Variants in GMCL1 observed in about 807,000 individuals in gnomAD.
GMCL1 encodes the protein germ cell-less protein-like 1.
A neutral mutation model predicts 75.5 loss-of-function variants in GMCL1; 54 were observed. That is an observed-to-expected ratio of 0.71 (90% CI 0.57 to 0.90). The LOEUF (loss-of-function observed/expected upper bound fraction) is 0.90, where lower values mean the gene tolerates loss of function less well. Ranked by LOEUF, GMCL1 falls within the 40% of genes least tolerant of loss-of-function variation. The pLI, the probability that GMCL1 is intolerant of heterozygous loss-of-function variation, is 0.00. For synonymous variants in GMCL1, 210 were observed against 209.6 expected (o/e 1.00, Z -0.02); for missense variants, 537 against 622.7 (o/e 0.86, Z 1.47).
intron 13 of GMCL1, among the ~76,000 whole-genome samples, chr2:69,872,065 AAC>A (rs753777490): frequency 1.1e-4 from 17 of 152,348 alleles, no homozygotes; most frequent in Non-Finnish European, 2.5e-4. Context: ...GGGGCAGGGA[AAC>A]ACTGATTATA....
intron 11 of GMCL1, 123 bp downstream of exon 11, chr2:69,865,098 G>T: frequency 1.5e-6 from 1 of 651,744 alleles, no homozygotes; most frequent in South Asian, 2.4e-5. Flanking sequence ...TACACTTTCT[G>T]TAGCATGATC....
chr2:69,864,462 A>G (rs999856531), intron 10 of GMCL1, among the ~76,000 whole-genome samples: 2 of 152,076 alleles, frequency 1.3e-5, no homozygotes, highest in Non-Finnish European at 2.9e-5. Flanking sequence ...TTGATTTTGC[A>G]TAGTTACACT....
At position 69,829,677 on chromosome 2, in the gene GMCL1, AG is replaced by A. The variant is rs1674608933; in HGVS notation, c.-211del. The A allele has an allele frequency of 3.8e-6, 2 of 528,674 alleles. No individual in the cohort carries two copies. The highest frequency in any genetic ancestry group is 2.0e-5 in the African/African-American group (1 of 49,284). 32.7% of individuals were successfully genotyped at this position (528,674 alleles called of 1,614,324 possible). A position where few individuals can be genotyped will look rare whatever the true frequency, so the allele number is the denominator to read the frequency against. On this transcript the variant is annotated 5_prime_UTR_variant, in exon 1 of 14. Coordinates refer to ENST00000282570, the MANE Select transcript of GMCL1 (RefSeq NM_178439.5). ...CGTCCCGCGCTTTGTTGCGAAAGCGAGGGGGCGAGGTGCTGCGGTGCTAGAG... is the reference window on the plus strand; with the variant it reads ...CGTCCCGCGCTTTGTTGCGAAAGCGAGGGGCGAGGTGCTGCGGTGCTAGAG...
intron 10 of GMCL1, 81 bp from the exon 11 acceptor site, chr2:69,864,819 T>C: frequency 1.1e-6 from 1 of 884,562 alleles, no homozygotes; most frequent in Non-Finnish European, 1.8e-6. Context: ...TAGCAAGATT[T>C]TCTGTTCTTA....
In GMCL1 at chr2:69,847,531, T is replaced by C. The variant is rs1217085857; in HGVS notation, c.759-12T>C. 1 of 1,557,302 alleles carries C rather than the reference T, an allele frequency of 6.4e-7. No individual in the cohort carries two copies. The highest frequency in any genetic ancestry group is 1.1e-5 in the South Asian group (1 of 89,910). ...TAAAGATAAGCTCACTCCCTCTATT[T>C]ATCCTTTTCAGTATAAATGTCATGA... On this transcript the variant is annotated splice_polypyrimidine_tract_variant and intron_variant, in intron 6 of 13. Coordinates refer to ENST00000282570, the MANE Select transcript of GMCL1 (RefSeq NM_178439.5).
intron 10 of GMCL1, 117 bp from the exon 11 acceptor site, chr2:69,864,777 TCTGTAC>T: frequency 1.6e-6 from 1 of 632,382 alleles, no homozygotes; most frequent in South Asian, 2.1e-5. Context: ...CTTATTTTTA[TCTGTAC>T]CACAAAAACT....
chr2:69,843,396 TA>T, intron 5 of GMCL1, 135 bp downstream of exon 5: 1 of 558,458 alleles, frequency 1.8e-6, no homozygotes, highest in Non-Finnish European at 3.2e-6. Flanking sequence ...TTTTATTAAA[TA>T]AAAAGCCCCT....
intron 2 of GMCL1, among the ~76,000 whole-genome samples, 170 bp from the exon 3 acceptor site, chr2:69,839,287 C>G (rs535793777): frequency 2.0e-5 from 3 of 152,274 alleles, no homozygotes; most frequent in South Asian, 4.1e-4. Context: ...GTGTCCTTAT[C>G]TTAATTTCTT....
At chr2:69,861,242 GTTAT>G in intron 9 of GMCL1, 32 bp from the exon 10 acceptor site, 3 of 1,362,546 alleles carry the variant, frequency 2.2e-6, no homozygotes, top group Non-Finnish European at 3.1e-6. Context: ...TTCTTCAGTC[GTTAT>G]TTATTATTAT....
At chr2:69,863,223 T>G (rs1675710657) in intron 10 of GMCL1, among the ~76,000 whole-genome samples, 1 of 152,194 alleles carries the variant, frequency 6.6e-6, no homozygotes, top group South Asian at 2.1e-4. Context: ...CTACAAATAC[T>G]GCATTTTTGA....
At chr2:69,849,449 G>C (rs1421297233) in intron 7 of GMCL1, among the ~76,000 whole-genome samples, 2 of 152,200 alleles carry the variant, frequency 1.3e-5, no homozygotes, top group African/African-American at 2.4e-5. Flanking sequence ...ATAGGTGTGA[G>C]CCACAGCACC....
Position 69,829,666 on chromosome 2 carries a change from T to A in GMCL1, c.-227T>A, listed in dbSNP as rs892965012. On this transcript the variant is annotated 5_prime_UTR_variant, in exon 1 of 14. In the 5' UTR this introduces an upstream ATG that the reference lacks. Coordinates refer to ENST00000282570, the MANE Select transcript of GMCL1 (RefSeq NM_178439.5). ...CATGCGCCCTCCGTCCCGCGCTTTG[T>A]TGCGAAAGCGAGGGGGCGAGGTGCT... 23 of 522,650 alleles carry A rather than the reference T, an allele frequency of 4.4e-5. No homozygotes were observed. In the African/African-American group the frequency reaches 4.5e-4, roughly 10 times the overall value. 32.4% of individuals were successfully genotyped at this position (522,650 alleles called of 1,614,324 possible). A position where few individuals can be genotyped will look rare whatever the true frequency, so the allele number is the denominator to read the frequency against.
At chr2:69,853,222 T>G (rs1046084417) in intron 8 of GMCL1, among the ~76,000 whole-genome samples, 1 of 152,174 alleles carries the variant, frequency 6.6e-6, no homozygotes, top group African/African-American at 2.4e-5. Flanking sequence ...ATTGGCACAT[T>G]TAATTCAACA....
rs2104087460 is a variant in GMCL1, at chr2:69,879,972, A to G, written c.*968A>G. ...GCCTTTGAGTGACACATGCTAATAG[A>G]AATTTCATAGTAAATGTAAATAAGG... On this transcript the variant is annotated 3_prime_UTR_variant, in exon 14 of 14. Transcript: ENST00000282570. 6.6e-6 allele frequency: 1 copy of G among 152,324 alleles called. No homozygotes were observed. Among genetic ancestry groups the G allele is most frequent in the Non-Finnish European group, 1.5e-5 (1 of 68,008 alleles). 9.4% of individuals were successfully genotyped at this position (152,324 alleles called of 1,614,324 possible).
intron 13 of GMCL1, among the ~76,000 whole-genome samples, chr2:69,878,077 CAG>C (rs1266013436): frequency 1.3e-5 from 2 of 152,156 alleles, no homozygotes; most frequent in South Asian, 2.1e-4. Flanking sequence ...AGGTTCCAAA[CAG>C]AGATCTGTAG....
intron 12 of GMCL1, among the ~76,000 whole-genome samples, chr2:69,870,207 T>C (rs982798806): frequency 1.3e-5 from 2 of 151,766 alleles, no homozygotes; most frequent in African/African-American, 4.8e-5. Flanking sequence ...CCTTAACTTT[T>C]TAAAGGATTT....
Position 69,867,569 on chromosome 2 carries a change from A to G in GMCL1, c.1219-2150A>G, listed in dbSNP as rs576649005. On this transcript the variant is annotated intron_variant, in intron 11 of 13. Transcript: ENST00000282570. ...CTATCACCTTTCTGACCACATTTCT[A>G]CTTCTTATTTTGCTTGACTTATATT... 2.6e-5 allele frequency among the ~76,000 whole-genome samples: 4 copies of G among 152,074 alleles called. No individual in the cohort carries two copies. The South Asian group carries it at 8.3e-4, about 32-fold the overall frequency.
Position 69,865,241 on chromosome 2 carries a change from A to C in GMCL1, c.1218+266A>C, listed in dbSNP as rs78263806. 5.7e-3 allele frequency among the ~76,000 whole-genome samples: 870 copies of C among 152,334 alleles called. 18 individuals are homozygous for C. The East Asian group carries it at 0.071, about 12-fold the overall frequency. ...GGGTCCCTTAGCAATCCAGAAATTAAGATAAAGAAGAAATTGTGAGGGATC... is the reference window on the plus strand; with the variant it reads ...GGGTCCCTTAGCAATCCAGAAATTACGATAAAGAAGAAATTGTGAGGGATC... On this transcript the variant is annotated intron_variant, in intron 11 of 13. Transcript: ENST00000282570.
Position 69,833,167 on chromosome 2 carries a change from A to G in GMCL1, c.260+3015A>G, listed in dbSNP as rs143084615. On this transcript the variant is annotated intron_variant, in intron 1 of 13. Transcript: ENST00000282570. ...TATTTACTATCTAGACCTTTACAGA[A>G]AAAGTGTACCAACTCCTAGACTACA... is the stretch of plus-strand genomic sequence containing the variant. Among the ~76,000 whole-genome samples, 701 of 152,332 alleles carry G rather than the reference A, an allele frequency of 4.6e-3. 10 individuals are homozygous for G. The highest frequency in any genetic ancestry group is 0.016 in the African/African-American group (671 of 41,568).
Sources: gnomAD v4.1 joint callset for allele counts (sites outside exome capture counted in the v4.1 genomes callset) on GRCh38, gnomAD v4.1.1 for gene constraint, MANE v1.5 for transcripts, NCBI Gene and HGNC (gene_info 2026-07-23, HGNC 2026-07-21) for gene names.